The following ZFHX3 variants were observed in gnomAD, a reference collection of about 807,000 sequenced individuals.
The protein encoded by ZFHX3 is zinc finger homeobox protein 3.
In ZFHX3, 42 loss-of-function variants were observed where a neutral mutation model predicts 279.1. That is an observed-to-expected ratio of 0.15 (90% CI 0.12 to 0.19). The LOEUF is 0.19. Among genes scored for constraint, ZFHX3 ranks in the 10% least tolerant of loss-of-function variants. The pLI, the probability that ZFHX3 is intolerant of heterozygous loss-of-function variation, is 1.00. For missense variants in ZFHX3, 4,981 were observed against 4,754.0 expected (o/e 1.05, Z -1.40); for synonymous variants, 2,293 against 1,957.8 (o/e 1.17, Z -4.52).
At chr16:73,854,760 A>G (rs1961680442) in intron 1 of ZFHX3, among the ~76,000 whole-genome samples, 1 of 146,874 alleles carries the variant, frequency 6.8e-6, no homozygotes, top group Non-Finnish European at 1.5e-5. Context: ...AAGATGAAAC[A>G]ATTTTTATAT....
At chr16:73,570,527 G>A (rs1444692810) in intron 2 of ZFHX3, among the ~76,000 whole-genome samples, 5 of 152,112 alleles carry the variant, frequency 3.3e-5, no homozygotes, top group Non-Finnish European at 5.9e-5. Context: ...TAAGCAGGCA[G>A]GTTTTCCAAA....
intron 3 of ZFHX3, among the ~76,000 whole-genome samples, chr16:73,452,099 G>A (rs2018289810): frequency 6.6e-6 from 1 of 152,140 alleles, no homozygotes; most frequent in East Asian, 1.9e-4. Flanking sequence ...AGAAAAAGGA[G>A]ACTAAAGATT....
chr16:73,278,614 C>T (rs1387556466), intron 4 of ZFHX3, among the ~76,000 whole-genome samples: 1 of 152,194 alleles, frequency 6.6e-6, no homozygotes. Context: ...AGCTTTTATT[C>T]CCTTATCTGT....
Position 73,004,248 on chromosome 16 carries a change from T to C in ZFHX3, c.-50+43504A>G, listed in dbSNP as rs147133310. Among the ~76,000 whole-genome samples the C allele has an allele frequency of 5.2e-3, 671 of 130,110 alleles. 15 individuals carry two copies. The East Asian group carries it at 0.06, about 12-fold the overall frequency. The allele number at this position is 130,110 out of a possible 152,430, so 85.4% of individuals were successfully genotyped here. On this transcript the variant is annotated intron_variant, in intron 1 of 9. Transcript: ENST00000268489. ...TCAAACTCCTGGGCTCAAGCAATCC[T>C]CCCACCTCAGCCTCCCAAAGTGCTA...
At chr16:73,837,078 T>G (rs1056283389) in intron 1 of ZFHX3, among the ~76,000 whole-genome samples, 2 of 152,160 alleles carry the variant, frequency 1.3e-5, no homozygotes, top group Non-Finnish European at 2.9e-5. Context: ...TTACCTAGTC[T>G]CTGGTATTCT....
intron 3 of ZFHX3, among the ~76,000 whole-genome samples, chr16:73,365,937 A>G (rs142917190): frequency 0.016 from 2,497 of 152,330 alleles, 35 homozygotes; most frequent in Non-Finnish European, 0.025. Context: ...TGCTTGGTGA[A>G]AAGGGAAGAG....
intron 4 of ZFHX3, among the ~76,000 whole-genome samples, chr16:73,297,789 G>T (rs1169200384): frequency 6.6e-6 from 1 of 151,986 alleles, no homozygotes; most frequent in Non-Finnish European, 1.5e-5. Flanking sequence ...TTCTTCTCTG[G>T]AAAGTGTCTG....
At chr16:72,811,453 T>C in intron 7 of ZFHX3, 124 bp downstream of exon 7, 1 of 1,064,778 alleles carries the variant, frequency 9.4e-7, no homozygotes, top group Non-Finnish European at 1.3e-6. Flanking sequence ...GAACAAGGAC[T>C]GTTTTCTGAC....
At chr16:73,451,758 A>AT (rs964576741) in intron 3 of ZFHX3, among the ~76,000 whole-genome samples, 2 of 152,182 alleles carry the variant, frequency 1.3e-5, no homozygotes, top group African/African-American at 2.4e-5. Flanking sequence ...GCATAAAAGA[A>AT]TTTTTTTAAA....
At chr16:72,861,922 C>A (rs768237136) in intron 4 of ZFHX3, among the ~76,000 whole-genome samples, 1 of 151,978 alleles carries the variant, frequency 6.6e-6, no homozygotes, top group Non-Finnish European at 1.5e-5. Flanking sequence ...GGCTGAGGCA[C>A]GAGAATTGCT....
intron 9 of ZFHX3, chr16:72,791,054 T>C (rs2035678553): frequency 6.6e-6 from 1 of 152,186 alleles, no homozygotes; most frequent in African/African-American, 2.4e-5. Context: ...AAGATCAGAA[T>C]CAGGCAAGGT....
intron 4 of ZFHX3, among the ~76,000 whole-genome samples, chr16:72,869,222 C>A (rs1159392080): frequency 2.6e-5 from 4 of 152,270 alleles, no homozygotes; most frequent in Non-Finnish European, 5.9e-5. Context: ...ACTAGAAACA[C>A]GAAACAGCAA....
chr16:73,577,788 G>A lies in ZFHX3; in HGVS notation c.-1547+102392C>T, dbSNP rs7184314. The stretch of plus-strand genomic sequence containing the variant: ...TCAGCTTGTTTTCTCCTTATGTTCC[G>A]CCATAGTTTTATAGTTTTTACCCTA... On this transcript the variant is annotated intron_variant, in intron 2 of 17. Coordinates refer to the ZFHX3 transcript ENST00000641206. Among the ~76,000 whole-genome samples, 1,471 of 152,224 alleles carry A rather than the reference G, an allele frequency of 9.7e-3. 29 individuals are homozygous for A. Among genetic ancestry groups the A allele is most frequent in the African/African-American group, 0.033 (1,388 of 41,540 alleles).
intron 1 of ZFHX3, among the ~76,000 whole-genome samples, chr16:73,755,922 G>A (rs1270336362): frequency 5.3e-5 from 8 of 152,190 alleles, no homozygotes; most frequent in Admixed American, 5.2e-4. Flanking sequence ...CTCTCCCACG[G>A]CCGGGTGACA....
intron 2 of ZFHX3, among the ~76,000 whole-genome samples, chr16:73,505,641 AAGGAGC>A (rs2019314401): frequency 6.6e-6 from 1 of 152,170 alleles, no homozygotes. Context: ...TTCTGGTCTA[AAGGAGC>A]CGACACTTAA....
chr16:72,866,768 G>A (rs980552244), intron 4 of ZFHX3, among the ~76,000 whole-genome samples: 11 of 152,114 alleles, frequency 7.2e-5, no homozygotes, highest in Non-Finnish European at 1.3e-4. Flanking sequence ...CAAAGCCATG[G>A]CACCTCTTTG....
chr16:73,681,432 A>G (rs2053008537), intron 1 of ZFHX3, among the ~76,000 whole-genome samples: 1 of 152,230 alleles, frequency 6.6e-6, no homozygotes. Context: ...AATTATAGTT[A>G]TCGGAAACAT....
At chr16:72,983,536 C>T (rs907042766) in intron 1 of ZFHX3, among the ~76,000 whole-genome samples, 1 of 152,152 alleles carries the variant, frequency 6.6e-6, no homozygotes, top group African/African-American at 2.4e-5. Context: ...GTAAGACCCC[C>T]ATCTCTACAA....
chr16:73,232,953 G>C (rs1444825762), intron 5 of ZFHX3: 1 of 152,108 alleles, frequency 6.6e-6, no homozygotes, highest in East Asian at 1.9e-4. Flanking sequence ...AGATGAGACA[G>C]TGATGGGTTC....
Sources: allele counts gnomAD v4.1 joint callset (sites outside exome capture counted in the v4.1 genomes callset), GRCh38; gene constraint gnomAD v4.1.1; transcripts MANE v1.5; gene names NCBI Gene and HGNC (gene_info 2026-07-23, HGNC 2026-07-21).